The following PYY variants were observed in gnomAD, a reference collection of about 807,000 sequenced individuals.
The protein encoded by PYY is peptide YY, also known as peptide tyrosine tyrosine.
In PYY, 12 loss-of-function variants were observed where a neutral mutation model predicts 10.3. That is an observed-to-expected ratio of 1.17 (90% CI 0.75 to 1.89). The LOEUF is 1.89. Among genes scored for constraint, PYY ranks in the 40% most tolerant of loss-of-function variants. The pLI is 0.00. For missense variants in PYY, 141 were observed against 134.0 expected (o/e 1.05, Z -0.26); for synonymous variants, 66 against 62.0 (o/e 1.06, Z -0.30).
At chr17:43,958,391 T>C (rs1045117472), upstream of PYY, among the ~76,000 whole-genome samples, 5 of 151,922 alleles carry the variant, frequency 3.3e-5, no homozygotes, top group Non-Finnish European at 5.9e-5. Context: ...AAGGCATTTT[T>C]TTTTTTTTTG....
upstream of PYY, among the ~76,000 whole-genome samples, chr17:43,954,419 G>GGAAT (rs1222344242): frequency 2.0e-5 from 3 of 152,232 alleles, no homozygotes; most frequent in Non-Finnish European, 4.4e-5. Context: ...GAAGGGCTGA[G>GGAAT]GAATGACAGG....
chr17:43,998,620 A>T (rs778441454), intron 1 of PYY, among the ~76,000 whole-genome samples: 10 of 152,158 alleles, frequency 6.6e-5, no homozygotes, highest in Non-Finnish European at 8.8e-5. Context: ...GCTGCAGTAC[A>T]GTGGTGCATT....
At chr17:44,002,138 C>CA (rs1259010277) in intron 1 of PYY, among the ~76,000 whole-genome samples, 1 of 152,038 alleles carries the variant, frequency 6.6e-6, no homozygotes, top group Non-Finnish European at 1.5e-5. Flanking sequence ...AGTGGGAAAA[C>CA]AAAAAAACTC....
chr17:43,994,956 A>G (rs2048981539), intron 1 of PYY, among the ~76,000 whole-genome samples: 1 of 152,060 alleles, frequency 6.6e-6, no homozygotes, highest in Non-Finnish European at 1.5e-5. Flanking sequence ...GGTTCCCACT[A>G]GCACCTCGGG....
intron 2 of PYY, among the ~76,000 whole-genome samples, chr17:43,965,657 G>A (rs1184191293): frequency 6.7e-6 from 1 of 149,972 alleles, no homozygotes; most frequent in African/African-American, 2.5e-5. Context: ...GCATGGTGGT[G>A]TGTGCCTGTA....
chr17:43,982,588 G>A lies in PYY; in HGVS notation c.-462-16056C>T, dbSNP rs115675737. On this transcript the variant is annotated intron_variant, in intron 1 of 6. Transcript: ENST00000360085. Reference sequence around the variant, plus strand: ...TTTAGCTAAGGTTGTGGTAGAAGCAGGGGGACTAGCAGGGGCTGGGGGGAA... The same window carrying A: ...TTTAGCTAAGGTTGTGGTAGAAGCAAGGGGACTAGCAGGGGCTGGGGGGAA... Among the ~76,000 whole-genome samples, 1,215 of 152,354 alleles carry A rather than the reference G, an allele frequency of 8.0e-3. 17 individuals are homozygous for A. Among genetic ancestry groups the A allele is most frequent in the African/African-American group, 0.027 (1,119 of 41,576 alleles).
upstream of PYY, among the ~76,000 whole-genome samples, chr17:43,955,037 G>C (rs570542082): frequency 1.3e-5 from 2 of 152,218 alleles, no homozygotes; most frequent in Non-Finnish European, 2.9e-5. Context: ...CCTCTCAATT[G>C]TGAGGGGCAG....
chr17:43,973,768 C>G (rs1450175485), intron 1 of PYY, among the ~76,000 whole-genome samples: 1 of 152,204 alleles, frequency 6.6e-6, no homozygotes, highest in Non-Finnish European at 1.5e-5. Context: ...GCACTCCAGC[C>G]TGGGTGACAA....
intron 1 of PYY, among the ~76,000 whole-genome samples, chr17:43,970,201 T>TAA (rs59609569): frequency 3.5e-4 from 33 of 95,584 alleles, no homozygotes; most frequent in Non-Finnish European, 4.4e-4. Context: ...CCCTGTCTCT[T>TAA]AAAAAAAAAA....
rs552494653 is a variant in PYY at position 43,976,488 on chromosome 17, C to T, written c.-462-9956G>A. On this transcript the variant is annotated intron_variant, in intron 1 of 6. Coordinates refer to the PYY transcript ENST00000360085. ...ACACACACACACATATATATATATG[C>T]CAGCCACGTGTGGTGGCTCACGTCT... 2.3e-3 allele frequency among the ~76,000 whole-genome samples: 341 copies of T among 150,856 alleles called. 2 individuals carry two copies. Among genetic ancestry groups the T allele is most frequent in the African/African-American group, 7.9e-3 (322 of 40,966 alleles).
At chr17:43,961,702 G>T (rs547820023) in intron 2 of PYY, among the ~76,000 whole-genome samples, 1 of 152,090 alleles carries the variant, frequency 6.6e-6, no homozygotes, top group South Asian at 2.1e-4. Flanking sequence ...CACCACACCC[G>T]GCTAAGTTTT....
intron 2 of PYY, among the ~76,000 whole-genome samples, chr17:43,965,497 T>C (rs1449620622): frequency 4.2e-5 from 5 of 118,930 alleles, no homozygotes; most frequent in Non-Finnish European, 7.1e-5. Context: ...AAAAAAAAAT[T>C]GTATATATTT....
chr17:43,980,156 C>CTCTTTTTTTTTTTTTTTTTTTTTTTTT (rs2048872976), intron 1 of PYY, among the ~76,000 whole-genome samples: 1 of 100,618 alleles, frequency 9.9e-6, no homozygotes, highest in African/African-American at 3.7e-5. Flanking sequence ...TCCCCTCCAC[C>CTCTTTTTTTTTTTTTTTTTTTTTTTTT]TTTTTTTTTT....
At chr17:43,963,680 C>A (rs910072919) in intron 2 of PYY, among the ~76,000 whole-genome samples, 10 of 151,488 alleles carry the variant, frequency 6.6e-5, no homozygotes, top group Admixed American at 3.3e-4. Flanking sequence ...AGAAAAATAA[C>A]CCTGACCAGG....
At chr17:43,990,873 A>G (rs2048952498) in intron 1 of PYY, among the ~76,000 whole-genome samples, 1 of 147,556 alleles carries the variant, frequency 6.8e-6, no homozygotes, top group Non-Finnish European at 1.5e-5. Flanking sequence ...GGCTCACTGC[A>G]AGCTTCGCCT....
In PYY at chr17:43,977,625, C is replaced by T. The variant is rs139544625; in HGVS notation, c.-462-11093G>A. On this transcript the variant is annotated intron_variant, in intron 1 of 6. Coordinates refer to the PYY transcript ENST00000360085. ...TCCACTTTCTCCTGCTTACCTTCAC[C>T]CTACTCTGTGTCCTCAGCCCAGTTC... 1.3e-4 allele frequency among the ~76,000 whole-genome samples: 20 copies of T among 152,238 alleles called. No homozygotes were observed. In the East Asian group the frequency reaches 3.9e-3, roughly 29 times the overall value.
chr17:43,969,749 C>CTT lies in PYY; in HGVS notation c.-462-3219_-462-3218dup, dbSNP rs71361553. Among the ~76,000 whole-genome samples the CTT allele has an allele frequency of 9.3e-4, 134 of 144,664 alleles. 1 individual carries two copies. Among genetic ancestry groups the CTT allele is most frequent in the East Asian group, 5.7e-3 (27 of 4,772 alleles). The allele number at this position is 144,664 out of a possible 152,430, so 94.9% of individuals were successfully genotyped here. The stretch of plus-strand genomic sequence containing the variant: ...TAAGACCCTGTCTCTACAAAAAAAA[C>CTT]TTTTTTTTTTTTGAGATGGAGTCTC... On this transcript the variant is annotated intron_variant, in intron 1 of 6. Coordinates refer to the PYY transcript ENST00000360085.
At chr17:43,964,831 C>T (rs931204223) in intron 2 of PYY, among the ~76,000 whole-genome samples, 1 of 152,116 alleles carries the variant, frequency 6.6e-6, no homozygotes, top group Admixed American at 6.6e-5. Flanking sequence ...AACTGTTTTC[C>T]GTAATAACTG....
exon 1 of PYY, chr17:44,004,395 G>T: frequency 2.9e-6 from 1 of 349,242 alleles, no homozygotes; most frequent in Non-Finnish European, 5.1e-6. Context: ...ACCTACCTTG[G>T]CAGCAGATTA....
Sources: gnomAD v4.1 joint callset for allele counts (sites outside exome capture counted in the v4.1 genomes callset) on GRCh38, gnomAD v4.1.1 for gene constraint, MANE v1.5 for transcripts, NCBI Gene and HGNC (gene_info 2026-07-23, HGNC 2026-07-21) for gene names.